PSMD14: variants seen among roughly 807,000 people sequenced by gnomAD.
The protein encoded by PSMD14 is proteasome 26S subunit, non-ATPase 14.
A neutral mutation model predicts 41.2 loss-of-function variants in PSMD14; 7 were observed. That is an observed-to-expected ratio of 0.17 (90% confidence interval 0.10 to 0.32). The LOEUF (loss-of-function observed/expected upper bound fraction) is 0.32, where lower values mean the gene tolerates loss of function less well. Ranked by LOEUF, PSMD14 falls within the 10% of genes least tolerant of loss-of-function variation. The probability of loss-of-function intolerance (pLI) is 1.00; values close to 1 mark genes in which losing one functional copy is unlikely to be tolerated. For synonymous variants in PSMD14, 114 were observed against 122.3 expected (o/e 0.93, Z 0.45); for missense variants, 139 against 375.6 (o/e 0.37, Z 5.21).
In PSMD14 at chr2:161,391,124, C is replaced by T. The variant is rs769584724; in HGVS notation, c.591C>T (p.Asn197=). The T allele has an allele frequency of 3.3e-6, 5 of 1,530,526 alleles. No homozygotes were observed. The South Asian group carries it at 5.0e-5, about 15-fold the overall frequency. 94.8% of individuals were successfully genotyped at this position (1,530,526 alleles called of 1,614,324 possible). ...PSIQALIHGL[N]RHYYSITINY... ...TATAGGCATTAATTCATGGACTAAA[C>T]AGACATTATTACTCCATTACTATTA... The change falls in exon 9 of 12, where the codon AAC becomes AAT. Residue 197 remains asparagine, a synonymous_variant. Coordinates refer to ENST00000409682, the MANE Select transcript of PSMD14 (RefSeq NM_005805.6).
At chr2:161,358,498 T>C (rs1294291367) in intron 3 of PSMD14, among the ~76,000 whole-genome samples, 1 of 152,186 alleles carries the variant, frequency 6.6e-6, no homozygotes. Flanking sequence ...GTGCGCTGTC[T>C]CCTTTCCGCT....
At chr2:161,407,948 C>T (rs1397166351) in intron 10 of PSMD14, 3 of 151,898 alleles carry the variant, frequency 2.0e-5, no homozygotes, top group South Asian at 4.2e-4. Flanking sequence ...AGATTTCTTA[C>T]GTGTGAAATT....
At chr2:161,399,798 C>T (rs1399126208) in intron 10 of PSMD14, among the ~76,000 whole-genome samples, 3 of 151,894 alleles carry the variant, frequency 2.0e-5, no homozygotes, top group Non-Finnish European at 2.9e-5. Context: ...TTTTGGAGGC[C>T]GTCTTTCAGT....
intron 3 of PSMD14, among the ~76,000 whole-genome samples, chr2:161,356,762 CTTTT>C (rs4027150): frequency 5.6e-5 from 8 of 143,874 alleles, no homozygotes; most frequent in African/African-American, 5.1e-5. Flanking sequence ...ATTCAAACTC[CTTTT>C]TTTTTTTTTT....
intron 7 of PSMD14, among the ~76,000 whole-genome samples, chr2:161,373,239 C>T (rs1255701546): frequency 6.6e-6 from 1 of 151,732 alleles, no homozygotes; most frequent in African/African-American, 2.4e-5. Context: ...AATAATATAT[C>T]TAAAATTTAT....
At chr2:161,319,050 T>C (rs191795690) in intron 3 of PSMD14, 177 bp downstream of exon 3, 319 of 441,886 alleles carry the variant, frequency 7.2e-4, no homozygotes, top group Non-Finnish European at 8.7e-4. Context: ...GGAAAACATT[T>C]ATTGTCTTAG....
chr2:161,392,364 A>G (rs1683724041), intron 9 of PSMD14, among the ~76,000 whole-genome samples: 1 of 152,152 alleles, frequency 6.6e-6, no homozygotes. Flanking sequence ...AGATCATTCT[A>G]TCTAGCCCAA....
chr2:161,339,657 G>A (rs1335128841), intron 3 of PSMD14, among the ~76,000 whole-genome samples: 4 of 152,290 alleles, frequency 2.6e-5, no homozygotes, highest in African/African-American at 7.2e-5. Flanking sequence ...TACTAGGAGG[G>A]AGTCAACGAC....
intron 3 of PSMD14, among the ~76,000 whole-genome samples, chr2:161,323,539 TG>T (rs1682641881): frequency 6.6e-6 from 1 of 152,100 alleles, no homozygotes; most frequent in African/African-American, 2.4e-5. Flanking sequence ...GGTGCACATC[TG>T]TAATCCCAGC....
intron 9 of PSMD14, among the ~76,000 whole-genome samples, chr2:161,393,485 CA>C (rs1182887262): frequency 6.6e-6 from 1 of 152,086 alleles, no homozygotes; most frequent in Non-Finnish European, 1.5e-5. Flanking sequence ...TTTGTATCTT[CA>C]AAAGCCTTAT....
chr2:161,403,809 C>A (rs928994319), intron 10 of PSMD14, among the ~76,000 whole-genome samples: 2 of 152,046 alleles, frequency 1.3e-5, no homozygotes, highest in African/African-American at 4.8e-5. Flanking sequence ...TCAGCCTAAC[C>A]CTTTCTCACT....
At chr2:161,404,468 A>C (rs911106517) in intron 10 of PSMD14, among the ~76,000 whole-genome samples, 1 of 152,188 alleles carries the variant, frequency 6.6e-6, no homozygotes, top group African/African-American at 2.4e-5. Flanking sequence ...ATGTCCTCTA[A>C]GGGGCACCTT....
At chr2:161,347,526 AG>A (rs1450356480) in intron 3 of PSMD14, among the ~76,000 whole-genome samples, 1 of 152,214 alleles carries the variant, frequency 6.6e-6, no homozygotes, top group African/African-American at 2.4e-5. Flanking sequence ...ATATTAAGAT[AG>A]TGCTGAGATT....
intron 3 of PSMD14, among the ~76,000 whole-genome samples, chr2:161,366,131 T>G (rs1036696580): frequency 5.3e-5 from 8 of 152,160 alleles, no homozygotes; most frequent in Admixed American, 2.0e-4. Context: ...CTGAAAGAGA[T>G]CTTAGCTATT....
intron 6 of PSMD14, 105 bp from the exon 7 acceptor site, chr2:161,371,067 T>C: frequency 7.7e-7 from 1 of 1,292,492 alleles, no homozygotes; most frequent in South Asian, 1.6e-5. Flanking sequence ...CCTGTGTGTT[T>C]TTCATCTCTT....
rs149561199 is a variant in PSMD14 at position 161,364,042 on chromosome 2, G to C, written c.49-3436G>C. ...AGATCACACGTGGGCTTGGAGATGA[G>C]TGCAAGGTTTTATTGAGTGAAAGTA... is the stretch of plus-strand genomic sequence containing the variant. On this transcript the variant is annotated intron_variant, in intron 3 of 11. Transcript: ENST00000409682. Among the ~76,000 whole-genome samples the C allele has an allele frequency of 2.7e-3, 414 of 152,326 alleles. 6 individuals carry two copies. The highest frequency in any genetic ancestry group is 9.5e-3 in the African/African-American group (394 of 41,564).
At chr2:161,392,385 A>T (rs1051677174) in intron 9 of PSMD14, among the ~76,000 whole-genome samples, 1 of 152,164 alleles carries the variant, frequency 6.6e-6, no homozygotes, top group South Asian at 2.1e-4. Context: ...ACTGTTTCTC[A>T]CCAAGGTGTC....
chr2:161,324,688 A>T (rs1682668402), intron 3 of PSMD14, among the ~76,000 whole-genome samples: 1 of 136,796 alleles, frequency 7.3e-6, no homozygotes, highest in African/African-American at 2.8e-5. Flanking sequence ...TAGACTTGTG[A>T]GGTAATTTGA....
chr2:161,347,135 C>G (rs140684833), intron 3 of PSMD14, among the ~76,000 whole-genome samples: 17 of 152,236 alleles, frequency 1.1e-4, no homozygotes, highest in Admixed American at 7.2e-4. Flanking sequence ...TAGGGTAAGG[C>G]TCACCTCATT....
Sources: allele counts gnomAD v4.1 joint callset (sites outside exome capture counted in the v4.1 genomes callset), GRCh38; gene constraint gnomAD v4.1.1; transcripts MANE v1.5; gene names NCBI Gene and HGNC (gene_info 2026-07-23, HGNC 2026-07-21).